The following COLQ variants were observed in gnomAD, a reference collection of about 807,000 sequenced individuals.
The protein encoded by COLQ is acetylcholinesterase collagenic tail peptide.
Under a neutral mutation model 69.0 loss-of-function variants are expected in COLQ, and 48 were observed. The observed-to-expected ratio is 0.70, with a 90% CI of 0.55 to 0.88. The LOEUF (loss-of-function observed/expected upper bound fraction) is 0.88, where lower values mean the gene tolerates loss of function less well. Ranked by LOEUF, COLQ falls within the 40% of genes least tolerant of loss-of-function variation. COLQ has a pLI of 0.00. For synonymous variants in COLQ, 217 were observed against 211.2 expected (o/e 1.03, Z -0.24); for missense variants, 618 against 594.6 (o/e 1.04, Z -0.41).
At chr3:15,481,024 T>A (rs574562187) in intron 3 of COLQ, among the ~76,000 whole-genome samples, 47 of 152,238 alleles carry the variant, frequency 3.1e-4, no homozygotes, top group Admixed American at 4.6e-4. Context: ...TTTGATGGGG[T>A]TGTTTGATTT....
chr3:15,480,528 T>G (rs2062462377), intron 3 of COLQ, among the ~76,000 whole-genome samples: 1 of 152,236 alleles, frequency 6.6e-6, no homozygotes, highest in Non-Finnish European at 1.5e-5. Flanking sequence ...TTTTTATGGC[T>G]GCATAGTATT....
At chr3:15,451,810 T>G in intron 16 of COLQ, 97 bp from the exon 17 acceptor site, 1 of 1,025,274 alleles carries the variant, frequency 9.8e-7, no homozygotes, top group Non-Finnish European at 1.5e-6. Flanking sequence ...CCAATGGCTC[T>G]ACAAGAACTT....
rs2062606840 is a variant in COLQ, at chr3:15,488,222, C to T, written c.305G>A (p.Gly102Glu). The change falls in exon 3 of 17, where the codon GGG becomes GAG. Residue 102 changes from glycine (G) to glutamate (E), a missense_variant. Physicochemically the swap from Gly to Glu is moderately conservative, Grantham distance 98. Coordinates refer to ENST00000383788, the MANE Select transcript of COLQ (RefSeq NM_005677.4). The stretch of plus-strand genomic sequence containing the variant: ...TGCACCAACCTGGGGGCCGGGAGGC[C>T]CAGGGGAGCCTAGCGAGCCTTGCAT... ...PCMQGSLGSP[G>E]PPGPQGPPGL... 1 of 1,612,516 alleles carries T rather than the reference C, an allele frequency of 6.2e-7. No homozygotes were observed. The highest frequency in any genetic ancestry group is 8.5e-7 in the Non-Finnish European group (1 of 1,179,886).
chr3:15,458,315 T>G lies in COLQ; in HGVS notation c.825A>C (p.Ile275=), dbSNP rs2062054455. 7.4e-6 allele frequency: 12 copies of G among 1,614,080 alleles called. No homozygotes were observed. Among genetic ancestry groups the G allele is most frequent in the Non-Finnish European group, 1.0e-5 (12 of 1,180,004 alleles). The change falls in exon 13 of 17, where the codon ATA becomes ATC. Residue 275 remains isoleucine (I), a synonymous_variant. Transcript: ENST00000383788. ...PPGPPPAGQL[I]MGPKGERGFP... ...ATCCTCTTTCCCCTTTGGGTCCCAT[T>G]ATAAGTTGTCCTAGGAAGCAACAGA...
chr3:15,470,860 C>T (rs2062272427), intron 10 of COLQ, among the ~76,000 whole-genome samples: 1 of 152,180 alleles, frequency 6.6e-6, no homozygotes, highest in South Asian at 2.1e-4. Flanking sequence ...CTGAGAGGGA[C>T]AGGTGTGGAG....
At chr3:15,518,228 G>A (rs1330488966) in intron 1 of COLQ, among the ~76,000 whole-genome samples, 1 of 152,132 alleles carries the variant, frequency 6.6e-6, no homozygotes, top group Non-Finnish European at 1.5e-5. Flanking sequence ...TTACAGGCGT[G>A]AGCCACCGCG....
intron 1 of COLQ, among the ~76,000 whole-genome samples, chr3:15,516,769 G>C (rs2063068440): frequency 6.6e-6 from 1 of 152,200 alleles, no homozygotes; most frequent in Non-Finnish European, 1.5e-5. Flanking sequence ...GGCAAGTCAT[G>C]CACACTTTAA....
intron 13 of COLQ, 49 bp from the exon 14 acceptor site, chr3:15,456,628 G>T: frequency 6.2e-7 from 1 of 1,609,396 alleles, no homozygotes; most frequent in South Asian, 1.1e-5. Context: ...TTCTGCAGGG[G>T]GCAGGAAAAA....
At chr3:15,461,190 C>G (rs1240069512) in intron 12 of COLQ, among the ~76,000 whole-genome samples, 1 of 125,384 alleles carries the variant, frequency 8.0e-6, no homozygotes, top group Non-Finnish European at 1.8e-5. Flanking sequence ...TGCCTTTATT[C>G]CCCCCCCGAC....
chr3:15,485,208 A>G lies in COLQ; in HGVS notation c.321+2998T>C, dbSNP rs1054270567. Among the ~76,000 whole-genome samples the G allele has an allele frequency of 1.4e-4, 22 of 152,334 alleles. 1 individual carries two copies. Among genetic ancestry groups the G allele is most frequent in the Admixed American group, 1.0e-3 (16 of 15,304 alleles). On this transcript the variant is annotated intron_variant, in intron 3 of 16. Transcript: ENST00000383788. The stretch of plus-strand genomic sequence containing the variant: ...GGGTATCACCAGTGGAGGCTGCAGA[A>G]CAGCAAATATTGCAGAAGAGCAAAT...
chr3:15,474,988 T>C, intron 7 of COLQ, 37 bp from the exon 8 acceptor site: 1 of 1,610,400 alleles, frequency 6.2e-7, no homozygotes, highest in East Asian at 2.2e-5. Flanking sequence ...CAATCAGCCC[T>C]GTAGGACTTC....
rs866348012 is a variant in COLQ at position 15,458,249 on chromosome 3, C to T, written c.891G>A (p.Met297Ile). 1 of 1,614,162 alleles carries T rather than the reference C, an allele frequency of 6.2e-7. No homozygotes were observed. The highest frequency in any genetic ancestry group is 1.1e-5 in the South Asian group (1 of 91,072). The change falls in exon 13 of 17, where the codon ATG becomes ATA. Residue 297 changes from methionine (M) to isoleucine (I), a missense_variant. By Grantham distance (10) the Met-to-Ile change is conservative. Transcript: ENST00000383788. Reference sequence around the variant, plus strand: ...CCCCGTAGGAAGGGTTATTCACATTCATAGTGGGTCCACAAAGACATCTTC... The same window carrying T: ...CCCCGTAGGAAGGGTTATTCACATTTATAGTGGGTCCACAAAGACATCTTC... ...PPGRCLCGPT[M>I]NVNNPSYGES...
intron 1 of COLQ, among the ~76,000 whole-genome samples, chr3:15,495,127 G>A (rs73031548): frequency 0.098 from 14,853 of 152,230 alleles, 985 homozygotes; most frequent in East Asian, 0.33. Flanking sequence ...TAGAAATGAA[G>A]GTCTGGAGCT....
intron 1 of COLQ, among the ~76,000 whole-genome samples, chr3:15,497,729 C>T (rs1214598259): frequency 1.3e-5 from 2 of 152,142 alleles, no homozygotes; most frequent in African/African-American, 4.8e-5. Context: ...GAGAGAAAGC[C>T]AAGGGCACAC....
At chr3:15,452,576 G>T (rs2061963640) in intron 16 of COLQ, among the ~76,000 whole-genome samples, 1 of 152,042 alleles carries the variant, frequency 6.6e-6, no homozygotes, top group South Asian at 2.1e-4. Context: ...GCGTGGGGGA[G>T]CCCTGGGCTC....
chr3:15,464,854 C>T (rs1343520855), intron 12 of COLQ, among the ~76,000 whole-genome samples: 1 of 152,146 alleles, frequency 6.6e-6, no homozygotes, highest in African/African-American at 2.4e-5. Flanking sequence ...AAATAAAGGG[C>T]TTAGCTAATA....
Position 15,470,634 on chromosome 3 carries a change from G to C in COLQ, c.637-18C>G. The stretch of plus-strand genomic sequence containing the variant: ...ATTTCACCCTGGAAAGAAGGAAAGA[G>C]AAGCAAGAGAGGACTTAGGGCATGT... On this transcript the variant is annotated intron_variant, in intron 10 of 16. Coordinates refer to ENST00000383788, the MANE Select transcript of COLQ (RefSeq NM_005677.4). The C allele has an allele frequency of 6.8e-6, 11 of 1,613,362 alleles. No individual in the cohort carries two copies. Among genetic ancestry groups the C allele is most frequent in the Non-Finnish European group, 9.3e-6 (11 of 1,179,310 alleles).
intron 10 of COLQ, among the ~76,000 whole-genome samples, chr3:15,471,942 C>G (rs1406254259): frequency 5.3e-5 from 8 of 150,146 alleles, no homozygotes; most frequent in Non-Finnish European, 1.0e-4. Context: ...GTCTTTATGG[C>G]TGGGAGAAAA....
At chr3:15,499,817 T>C (rs1379445820) in intron 1 of COLQ, among the ~76,000 whole-genome samples, 1 of 152,192 alleles carries the variant, frequency 6.6e-6, no homozygotes, top group African/African-American at 2.4e-5. Context: ...TGCCACTTAG[T>C]AGCTGTGTGA....
Sources: allele counts gnomAD v4.1 joint callset (sites outside exome capture counted in the v4.1 genomes callset), GRCh38; gene constraint gnomAD v4.1.1; transcripts MANE v1.5; gene names NCBI Gene and HGNC (gene_info 2026-07-23, HGNC 2026-07-21).